Variants in DLGAP2 observed in about 807,000 individuals in gnomAD.
DLGAP2 encodes DLG associated protein 2, also known as disks large-associated protein 2.
Under a neutral mutation model 100.3 loss-of-function variants are expected in DLGAP2, and 26 were observed. The ratio of observed to expected loss-of-function variants is 0.26; its 90% CI spans 0.19 to 0.36. The LOEUF (loss-of-function observed/expected upper bound fraction) is 0.36. Among genes scored for constraint, DLGAP2 ranks in the 10% least tolerant of loss-of-function variants. The probability of loss-of-function intolerance (pLI) is 1.00; values close to 1 mark genes in which losing one functional copy is unlikely to be tolerated. For missense variants in DLGAP2, 1,858 were observed against 1,453.2 expected (o/e 1.28, Z -4.53); for synonymous variants, 886 against 630.1 (o/e 1.41, Z -6.08).
chr8:1,507,482 G>T (rs941798219), intron 4 of DLGAP2, among the ~76,000 whole-genome samples: 1 of 152,100 alleles, frequency 6.6e-6, no homozygotes, highest in Non-Finnish European at 1.5e-5. Context: ...CAGAACTCGC[G>T]CTGGCCCATG....
chr8:830,939 A>G (rs950357105), intron 1 of DLGAP2, among the ~76,000 whole-genome samples: 17 of 142,032 alleles, frequency 1.2e-4, no homozygotes, highest in African/African-American at 4.2e-4. Flanking sequence ...TCTGTCACCC[A>G]GGCTGGAGGG....
chr8:1,481,447 G>C (rs1799089405), intron 3 of DLGAP2, among the ~76,000 whole-genome samples: 1 of 138,038 alleles, frequency 7.2e-6, no homozygotes, highest in African/African-American at 2.7e-5. Context: ...TACTTTATTG[G>C]ATTTTCTTTT....
chr8:1,481,452 T>C (rs1455635202), intron 3 of DLGAP2, among the ~76,000 whole-genome samples: 2 of 126,120 alleles, frequency 1.6e-5, no homozygotes, highest in East Asian at 4.4e-4. Context: ...TATTGGATTT[T>C]CTTTTTCTTT....
At chr8:1,251,917 G>A (rs954859265) in intron 2 of DLGAP2, among the ~76,000 whole-genome samples, 10 of 152,238 alleles carry the variant, frequency 6.6e-5, no homozygotes, top group Admixed American at 3.3e-4. Context: ...TATCACGTGG[G>A]CCTGTTTTCC....
At chr8:1,055,601 G>T (rs968446717) in intron 2 of DLGAP2, among the ~76,000 whole-genome samples, 1 of 152,250 alleles carries the variant, frequency 6.6e-6, no homozygotes, top group South Asian at 2.1e-4. Flanking sequence ...AAGGACGCTC[G>T]TCTTCTCACT....
chr8:1,277,159 C>G (rs964183763), intron 3 of DLGAP2, among the ~76,000 whole-genome samples: 8 of 152,174 alleles, frequency 5.3e-5, no homozygotes, highest in Non-Finnish European at 5.9e-5. Context: ...CTAGAAATCT[C>G]AGAAATATAG....
At chr8:1,186,556 A>G (rs1340816233) in intron 2 of DLGAP2, among the ~76,000 whole-genome samples, 1 of 151,940 alleles carries the variant, frequency 6.6e-6, no homozygotes, top group Non-Finnish European at 1.5e-5. Flanking sequence ...TAACCCTGAG[A>G]GATGTTATTA....
intron 2 of DLGAP2, among the ~76,000 whole-genome samples, chr8:1,234,691 G>C (rs756879896): frequency 6.6e-6 from 1 of 152,170 alleles, no homozygotes; most frequent in Non-Finnish European, 1.5e-5. Context: ...TGTCCCACGA[G>C]CTTGACTTTG....
At chr8:767,603 C>A (rs1821249099) in intron 1 of DLGAP2, among the ~76,000 whole-genome samples, 1 of 152,114 alleles carries the variant, frequency 6.6e-6, no homozygotes, top group South Asian at 2.1e-4. Flanking sequence ...GATCCACGTG[C>A]CTTGGCCTCC....
chr8:1,346,148 C>G (rs765804291), intron 3 of DLGAP2, among the ~76,000 whole-genome samples: 1 of 152,166 alleles, frequency 6.6e-6, no homozygotes, highest in Non-Finnish European at 1.5e-5. Flanking sequence ...CACGTCTGCA[C>G]TGCTCTGATG....
intron 2 of DLGAP2, among the ~76,000 whole-genome samples, chr8:1,024,704 G>A (rs895483658): frequency 6.6e-6 from 1 of 152,210 alleles, no homozygotes; most frequent in Non-Finnish European, 1.5e-5. Context: ...TGCTCGTGAA[G>A]AACTCACAGG....
At chr8:1,094,068 C>T (rs1045320182) in intron 2 of DLGAP2, among the ~76,000 whole-genome samples, 2 of 151,510 alleles carry the variant, frequency 1.3e-5, no homozygotes, top group Admixed American at 6.6e-5. Context: ...GGGAGGGCAG[C>T]TGCGAGGTGG....
rs566577888 is a variant in DLGAP2 at position 1,609,505 on chromosome 8, A to C, written c.1443-17235A>C. Among the ~76,000 whole-genome samples the C allele has an allele frequency of 2.2e-4, 30 of 137,892 alleles. 1 individual carries two copies. Among genetic ancestry groups the C allele is most frequent in the African/African-American group, 7.6e-4 (30 of 39,606 alleles). The allele number at this position is 137,892 out of a possible 152,430, so 90.5% of individuals were successfully genotyped here. ...AACTAACGAGCAAAATCACCAGCTA[A>C]CAACATAATGACAGGATCAAATTCA... On this transcript the variant is annotated intron_variant, in intron 6 of 14. Transcript: ENST00000637795.
chr8:1,524,318 C>T (rs1800717862), intron 4 of DLGAP2, among the ~76,000 whole-genome samples: 1 of 152,160 alleles, frequency 6.6e-6, no homozygotes, highest in Non-Finnish European at 1.5e-5. Flanking sequence ...CACAGACCCT[C>T]ACCGGTGCTG....
chr8:1,584,531 A>G (rs1361659998), intron 6 of DLGAP2, among the ~76,000 whole-genome samples: 1 of 152,046 alleles, frequency 6.6e-6, no homozygotes, highest in East Asian at 1.9e-4. Context: ...AGGGAAGCGG[A>G]GGGGAGATTC....
rs1382906382 is a variant in DLGAP2, at chr8:1,273,397, T to C, written c.106+14514T>C. On this transcript the variant is annotated intron_variant, in intron 3 of 14. Transcript: ENST00000637795. ...GCTCACATCCCTAAATCACCCCAGG[T>C]CACACAGCTGGCTTATGGAGTGGAG... Among the ~76,000 whole-genome samples, 3 of 152,174 alleles carry C rather than the reference T, an allele frequency of 2.0e-5. No individual in the cohort carries two copies. The East Asian group carries it at 5.8e-4, about 29-fold the overall frequency.
At chr8:921,667 G>A (rs556732122) in intron 2 of DLGAP2, among the ~76,000 whole-genome samples, 1 of 152,374 alleles carries the variant, frequency 6.6e-6, no homozygotes, top group African/African-American at 2.4e-5. Flanking sequence ...ATGCTGTTCT[G>A]TACCTGTCAC....
chr8:1,461,117 G>T (rs1798458772), intron 3 of DLGAP2, among the ~76,000 whole-genome samples: 1 of 151,144 alleles, frequency 6.6e-6, no homozygotes, highest in Non-Finnish European at 1.5e-5. Flanking sequence ...GCTGGGTGCA[G>T]TCGCTGATTT....
At chr8:1,202,839 A>C (rs951354483) in intron 2 of DLGAP2, among the ~76,000 whole-genome samples, 4 of 152,204 alleles carry the variant, frequency 2.6e-5, no homozygotes, top group Non-Finnish European at 5.9e-5. Context: ...GCTCGAGGAA[A>C]AAGCAGCCAT....
Sources: gnomAD v4.1 joint callset for allele counts (sites outside exome capture counted in the v4.1 genomes callset) on GRCh38, gnomAD v4.1.1 for gene constraint, MANE v1.5 for transcripts, NCBI Gene and HGNC (gene_info 2026-07-23, HGNC 2026-07-21) for gene names.